The following COL5A1 variants were observed in gnomAD, a reference collection of about 807,000 sequenced individuals.
COL5A1 encodes collagen alpha-1(V) chain.
COL5A1 carries 16 observed loss-of-function variants against 263.7 expected under a neutral mutation model. The ratio of observed to expected loss-of-function variants is 0.06; its 90% CI spans 0.04 to 0.09. COL5A1 has a LOEUF of 0.09. COL5A1 is among the 10% of genes least tolerant of loss of function. The pLI, the probability that COL5A1 is intolerant of heterozygous loss-of-function variation, is 1.00. For synonymous variants in COL5A1, 1,012 were observed against 1,004.5 expected (o/e 1.01, Z -0.14); for missense variants, 2,036 against 2,540.5 (o/e 0.80, Z 4.27).
intron 25 of COL5A1, among the ~76,000 whole-genome samples, chr9:134,771,954 G>C (rs115847912): frequency 6.6e-6 from 1 of 152,196 alleles, no homozygotes; most frequent in Non-Finnish European, 1.5e-5. Context: ...GCATTAAACC[G>C]AGTGACCCGC....
chr9:134,828,430 G>T (rs1017902906), intron 63 of COL5A1, among the ~76,000 whole-genome samples: 1 of 116,744 alleles, frequency 8.6e-6, no homozygotes, highest in Non-Finnish European at 1.8e-5. Flanking sequence ...CCCCAGGAAG[G>T]TTCTACCACA....
chr9:134,693,962 C>T (rs922394063), intron 2 of COL5A1, among the ~76,000 whole-genome samples: 3 of 152,254 alleles, frequency 2.0e-5, no homozygotes, highest in East Asian at 1.9e-4. Flanking sequence ...GCAGCATCTG[C>T]GGGATTCTAG....
In COL5A1 at chr9:134,842,163, A is replaced by G; in HGVS notation, c.5377A>G (p.Lys1793Glu). The G allele has an allele frequency of 6.2e-7, 1 of 1,614,012 alleles. No homozygotes were observed. The highest frequency in any genetic ancestry group is 1.1e-5 in the South Asian group (1 of 91,062). Residue 1793 changes from lysine (K) to glutamate (E), a missense_variant, in exon 66 of 66, where the codon AAA (lysine) becomes GAA (glutamate). Lys to Glu is a moderately conservative substitution (Grantham distance 56). Around this residue, in one of 3 missense-constraint regions of COL5A1, gnomAD observed 358 missense variants for 384.6 expected, o/e 0.93. Coordinates refer to ENST00000371817, the MANE Select transcript of COL5A1 (RefSeq NM_000093.5). This position sits in a 1 kb window ranked among gnomAD's most constrained non-coding sequence, Gnocchi z 5.8. Reference protein sequence around the residue: ...RALVDGCATKKGYQKTVLEID... With the variant: ...RALVDGCATKEGYQKTVLEID... ...CTGTCTCCCTCTTCCCCAGACCAAG[A>G]AAGGCTACCAGAAGACGGTTCTGGA...
intron 59 of COL5A1, 66 bp from the exon 60 acceptor site, chr9:134,822,932 C>T: frequency 6.3e-7 from 1 of 1,588,974 alleles, no homozygotes; most frequent in Non-Finnish European, 8.6e-7. Flanking sequence ...CTGGGCAGGA[C>T]ATGGAGCACG....
At chr9:134,806,351 C>A in intron 42 of COL5A1, 55 bp downstream of exon 42, 4 of 1,276,578 alleles carry the variant, frequency 3.1e-6, no homozygotes, top group Non-Finnish European at 3.3e-6. Flanking sequence ...TGGGGTCGTT[C>A]CGTGTCTGGC....
chr9:134,776,185 TC>T (rs1837045761), intron 27 of COL5A1, among the ~76,000 whole-genome samples: 1 of 152,182 alleles, frequency 6.6e-6, no homozygotes, highest in South Asian at 2.1e-4. Flanking sequence ...GTCAGGTTTT[TC>T]CCTAAAGCCA....
intron 2 of COL5A1, among the ~76,000 whole-genome samples, chr9:134,698,120 T>C (rs1193265206): frequency 6.6e-6 from 1 of 152,190 alleles, no homozygotes. Context: ...AAAACAAAGC[T>C]GATGGCTTGT....
intron 49 of COL5A1, 86 bp from the exon 50 acceptor site, chr9:134,814,710 TG>T: frequency 1.0e-6 from 1 of 985,488 alleles, no homozygotes; most frequent in Non-Finnish European, 1.6e-6. Flanking sequence ...CTGGTCTGAA[TG>T]GGGTGAGAAA....
At position 134,686,895 on chromosome 9, in the gene COL5A1, C is replaced by T. The variant is rs1387817168; in HGVS notation, c.110-4017C>T. Reference sequence around the variant, plus strand: ...TGTCCCATAGGTGGTTCCAGGGAGGCTCCTGGTTTCAGTGCACACAGCTGA... The same window carrying T: ...TGTCCCATAGGTGGTTCCAGGGAGGTTCCTGGTTTCAGTGCACACAGCTGA... On this transcript the variant is annotated intron_variant, in intron 1 of 65. Transcript: ENST00000371817. This position sits in a 1 kb window ranked among gnomAD's most constrained non-coding sequence, Gnocchi z 4.6. Among the ~76,000 whole-genome samples the T allele has an allele frequency of 3.3e-5, 5 of 152,166 alleles. No homozygotes were observed. The highest frequency in any genetic ancestry group is 7.3e-5 in the Non-Finnish European group (5 of 68,042).
At chr9:134,644,199 CTGGG>C (rs1831395621) in intron 1 of COL5A1, among the ~76,000 whole-genome samples, 1 of 94,510 alleles carries the variant, frequency 1.1e-5, no homozygotes, top group Non-Finnish European at 2.1e-5. Context: ...GATGCAGGCG[CTGGG>C]GGGAGGGGGC....
At position 134,817,789 on chromosome 9, in the gene COL5A1, C is replaced by A. The variant is rs145363211; in HGVS notation, c.4188C>A (p.Gly1396=). ...SGPPGKRGPP[G]PAGPEGRQGE... ...CTTGCTTCTTTCAGGGTCCCCCAGG[C>A]CCCGCAGGCCCCGAAGGCAGACAGG... Residue 1396 remains glycine, a synonymous_variant, in exon 54 of 66, where the codon GGC becomes GGA. Coordinates refer to ENST00000371817, the MANE Select transcript of COL5A1 (RefSeq NM_000093.5). The A allele has an allele frequency of 1.2e-6, 2 of 1,612,044 alleles. No individual in the cohort carries two copies. Among genetic ancestry groups the A allele is most frequent in the South Asian group, 1.1e-5 (1 of 90,584 alleles).
rs570297789 is a variant in COL5A1 at position 134,758,671 on chromosome 9, A to C, written c.1935+375A>C. 1.1e-4 allele frequency among the ~76,000 whole-genome samples: 17 copies of C among 152,148 alleles called. No individual in the cohort carries two copies. Among genetic ancestry groups the C allele is most frequent in the Non-Finnish European group, 2.5e-4 (17 of 68,022 alleles). On this transcript the variant is annotated intron_variant, in intron 18 of 65. Transcript: ENST00000371817. The surrounding 1 kb of genome is among the most constrained non-coding windows in gnomAD (Gnocchi z 4.1). ...TGCCATTTCAGGGGCGGCCAAGGAC[A>C]CTTTGCAATATTAAAGTGGTGGTCC... is the stretch of plus-strand genomic sequence containing the variant.
At chr9:134,811,210 C>T (rs558057920) in intron 44 of COL5A1, 129 bp from the exon 45 acceptor site, 18 of 850,528 alleles carry the variant, frequency 2.1e-5, no homozygotes, top group Admixed American at 3.4e-5. Context: ...GTGCAAGGAA[C>T]GACACATTTG....
rs1165428396 is a variant in COL5A1, at chr9:134,757,631, A to G, written c.1882-612A>G. Among the ~76,000 whole-genome samples, 1 of 152,120 alleles carries G rather than the reference A, an allele frequency of 6.6e-6. No individual in the cohort carries two copies. The highest frequency in any genetic ancestry group is 1.5e-5 in the Non-Finnish European group (1 of 68,012). On this transcript the variant is annotated intron_variant, in intron 17 of 65. Coordinates refer to ENST00000371817, the MANE Select transcript of COL5A1 (RefSeq NM_000093.5). This position sits in a 1 kb window ranked among gnomAD's most constrained non-coding sequence, Gnocchi z 6.2. ...AGTCTTGTTGACTCTGTCTCAGAAGACCATGGTCTTCTTTCAACAACATGG... is the reference window on the plus strand; with the variant it reads ...AGTCTTGTTGACTCTGTCTCAGAAGGCCATGGTCTTCTTTCAACAACATGG...
At chr9:134,834,583 A>G (rs10114036) in intron 64 of COL5A1, among the ~76,000 whole-genome samples, 13,145 of 152,226 alleles carry the variant, frequency 0.086, 1,579 homozygotes, top group African/African-American at 0.27. Flanking sequence ...CCCTCTCTGA[A>G]CTTATAGTCT....
rs115403176 is a variant in COL5A1 at position 134,822,964 on chromosome 9, G to A, written c.4609-34G>A. The stretch of plus-strand genomic sequence containing the variant: ...CACGGTGGGGCTGGAGCTGAGACCC[G>A]GCTTGCTGACGTTCTGCCCTCCTCT... On this transcript the variant is annotated intron_variant, in intron 59 of 65. Transcript: ENST00000371817. 674 of 1,613,830 alleles carry A rather than the reference G, an allele frequency of 4.2e-4. 1 individual carries two copies. The African/African-American group carries it at 8.1e-3, about 19-fold the overall frequency.
chr9:134,818,890 C>T lies in COL5A1; in HGVS notation c.4381C>T (p.Pro1461Ser), dbSNP rs746849085. The change falls in exon 56 of 66, where the codon CCC (proline) becomes TCC (serine). Residue 1461 changes from proline (P) to serine (S), a missense_variant. This residue lies in a region of COL5A1 where 1,078 missense variants were observed against 1,521.4 expected (regional missense o/e 0.71). Transcript: ENST00000371817. This position sits in a 1 kb window ranked among gnomAD's most constrained non-coding sequence, Gnocchi z 6.0. ...LPGSPGPDGP[P>S]GPMGPPGLPG... The stretch of plus-strand genomic sequence containing the variant: ...AGGATCCCCAGGCCCGGACGGTCCC[C>T]CCGGCCCCATGGTGAGTCACATTCC... 4 of 1,613,072 alleles carry T rather than the reference C, an allele frequency of 2.5e-6. No individual in the cohort carries two copies. The Admixed American group carries it at 5.0e-5, about 20-fold the overall frequency.
chr9:134,664,134 C>T (rs1235493367), intron 1 of COL5A1, among the ~76,000 whole-genome samples: 1 of 152,204 alleles, frequency 6.6e-6, no homozygotes, highest in African/African-American at 2.4e-5. Context: ...CAGGATTCAT[C>T]ATTGAACTGG....
Position 134,752,600 on chromosome 9 carries a change from G to A in COL5A1, c.1674G>A (p.Arg558=), listed in dbSNP as rs746502968. 8.2e-5 allele frequency: 133 copies of A among 1,613,404 alleles called. No homozygotes were observed. Among genetic ancestry groups the A allele is most frequent in the Non-Finnish European group, 1.1e-4 (127 of 1,179,652 alleles). The change falls in exon 14 of 66, where the codon AGG becomes AGA. Residue 558 remains arginine (R), a synonymous_variant. Coordinates refer to ENST00000371817, the MANE Select transcript of COL5A1 (RefSeq NM_000093.5). The part of the protein sequence containing the change: ...AILQQARLAL[R]GPAGPMGLTG... Reference sequence around the variant, plus strand: ...ACTTTCCTTTGCAGTTGGCACTGAGGGGACCAGCTGGCCCGATGGGTCTCA... The same window carrying A: ...ACTTTCCTTTGCAGTTGGCACTGAGAGGACCAGCTGGCCCGATGGGTCTCA...
Sources: allele counts gnomAD v4.1 joint callset (sites outside exome capture counted in the v4.1 genomes callset), GRCh38; gene constraint gnomAD v4.1.1; regional missense constraint gnomAD v4.1.1; non-coding constraint Gnocchi (gnomAD v3.1); transcripts MANE v1.5; gene names NCBI Gene and HGNC (gene_info 2026-07-23, HGNC 2026-07-21).